The following MACROD2 variants were observed in gnomAD, a reference collection of about 807,000 sequenced individuals.
MACROD2 encodes the protein mono-ADP ribosylhydrolase 2, also known as ADP-ribose glycohydrolase MACROD2.
In MACROD2, 36 loss-of-function variants were observed where a neutral mutation model predicts 70.4. The observed-to-expected ratio is 0.51, with a 90% CI of 0.39 to 0.68. MACROD2 has a LOEUF of 0.68. MACROD2 is among the 30% of genes least tolerant of loss of function. The pLI is 0.00. For missense variants in MACROD2, 496 were observed against 538.4 expected, an observed-to-expected ratio of 0.92 and a Z score of 0.78; for synonymous variants, 172 against 178.8, an observed-to-expected ratio of 0.96 and a Z score of 0.30.
intron 5 of MACROD2, among the ~76,000 whole-genome samples, chr20:14,962,016 C>T (rs959887832): frequency 1.3e-5 from 2 of 151,828 alleles, no homozygotes; most frequent in African/African-American, 2.4e-5. Context: ...GTCTCACTCT[C>T]GCTCAGACTG....
chr20:15,750,078 A>G (rs6131694), intron 8 of MACROD2, among the ~76,000 whole-genome samples: 30,129 of 152,106 alleles, frequency 0.2, 3,729 homozygotes, highest in Middle Eastern at 0.34. Flanking sequence ...AGAATGGGAA[A>G]TAAGATTTGT....
Position 15,399,379 on chromosome 20 carries a change from G to A in MACROD2, c.541-32026G>A, listed in dbSNP as rs4266080. Among the ~76,000 whole-genome samples the A allele has an allele frequency of 7.3e-3, 1,110 of 152,252 alleles. 13 individuals carry two copies. Among genetic ancestry groups the A allele is most frequent in the African/African-American group, 0.025 (1,032 of 41,532 alleles). ...ACCCTGATTTACTACCTGATATGTTGCTTACACTCCTGTGGTGTTTTTCCA... is the reference window on the plus strand; with the variant it reads ...ACCCTGATTTACTACCTGATATGTTACTTACACTCCTGTGGTGTTTTTCCA... On this transcript the variant is annotated intron_variant, in intron 6 of 17. Transcript: ENST00000684519.
intron 8 of MACROD2, among the ~76,000 whole-genome samples, chr20:15,859,545 T>C (rs553264619): frequency 2.0e-5 from 3 of 152,304 alleles, no homozygotes; most frequent in Non-Finnish European, 4.4e-5. Context: ...ATATGAGCTC[T>C]TGTTCAACAA....
At chr20:15,915,045 G>T (rs898191843) in intron 10 of MACROD2, among the ~76,000 whole-genome samples, 19 of 152,140 alleles carry the variant, frequency 1.2e-4, no homozygotes, top group Non-Finnish European at 1.5e-5. Context: ...ATGGAGTTGG[G>T]GTGTGCCACC....
intron 6 of MACROD2, among the ~76,000 whole-genome samples, chr20:15,387,393 G>A (rs2045730473): frequency 6.7e-6 from 1 of 148,552 alleles, no homozygotes; most frequent in Non-Finnish European, 1.5e-5. Flanking sequence ...CTACCTCTCT[G>A]CAGTCTGCAC....
chr20:14,411,389 G>A (rs78241873), intron 3 of MACROD2, among the ~76,000 whole-genome samples: 11,549 of 151,962 alleles, frequency 0.076, 495 homozygotes, highest in East Asian at 0.22. Context: ...TTCCCTTAAT[G>A]TTTTCTCTCT....
At chr20:14,279,206 A>G (rs1252645138) in intron 3 of MACROD2, among the ~76,000 whole-genome samples, 1 of 152,188 alleles carries the variant, frequency 6.6e-6, no homozygotes, top group African/African-American at 2.4e-5. Context: ...TTCCCCTTCT[A>G]GTTTCTTACG....
chr20:15,187,766 T>C (rs1440748973), intron 5 of MACROD2, among the ~76,000 whole-genome samples: 1 of 152,206 alleles, frequency 6.6e-6, no homozygotes, highest in East Asian at 1.9e-4. Context: ...CTTTAAGGGT[T>C]TATCATAATC....
At chr20:15,565,545 T>C (rs1234158569) in intron 8 of MACROD2, among the ~76,000 whole-genome samples, 1 of 152,198 alleles carries the variant, frequency 6.6e-6, no homozygotes, top group African/African-American at 2.4e-5. Context: ...TACTTGTGTA[T>C]GTAGTTTCTT....
intron 5 of MACROD2, among the ~76,000 whole-genome samples, chr20:14,977,297 A>ATT (rs777982225): frequency 2.3e-5 from 3 of 130,012 alleles, no homozygotes; most frequent in Non-Finnish European, 1.7e-5. Flanking sequence ...TAACACCTTG[A>ATT]TTTTTTTTTT....
At chr20:14,506,374 C>T (rs937490535) in intron 4 of MACROD2, among the ~76,000 whole-genome samples, 8 of 152,162 alleles carry the variant, frequency 5.3e-5, no homozygotes, top group African/African-American at 1.9e-4. Flanking sequence ...GTGGAATGCA[C>T]TTCCCTACCC....
intron 6 of MACROD2, among the ~76,000 whole-genome samples, chr20:15,342,175 CAT>C (rs2078117405): frequency 6.6e-6 from 1 of 152,056 alleles, no homozygotes; most frequent in South Asian, 2.1e-4. Context: ...TCAATAGAAA[CAT>C]GTCATATAAT....
chr20:14,638,053 AGGATG>A (rs1247435156), intron 4 of MACROD2, among the ~76,000 whole-genome samples: 1 of 151,964 alleles, frequency 6.6e-6, no homozygotes, highest in Non-Finnish European at 1.5e-5. Context: ...AGTAAAAGGC[AGGATG>A]GGAAGAAAAA....
At chr20:15,647,056 C>T (rs190546806) in intron 8 of MACROD2, among the ~76,000 whole-genome samples, 4 of 152,260 alleles carry the variant, frequency 2.6e-5, no homozygotes, top group African/African-American at 9.6e-5. Flanking sequence ...ATTCATTCAC[C>T]CATTACTTTT....
intron 6 of MACROD2, among the ~76,000 whole-genome samples, chr20:15,382,875 G>GA (rs2045662442): frequency 6.6e-6 from 1 of 152,062 alleles, no homozygotes; most frequent in East Asian, 1.9e-4. Context: ...TGAAGGGGTT[G>GA]AAAAGTTTTC....
At chr20:15,910,944 C>G (rs1172665694) in intron 10 of MACROD2, among the ~76,000 whole-genome samples, 3 of 152,224 alleles carry the variant, frequency 2.0e-5, no homozygotes, top group African/African-American at 7.2e-5. Context: ...TGCTCTGCCT[C>G]CCTCTGTATT....
intron 8 of MACROD2, among the ~76,000 whole-genome samples, chr20:15,526,104 G>A (rs79744550): frequency 0.024 from 3,674 of 152,212 alleles, 146 homozygotes; most frequent in African/African-American, 0.083. Context: ...CGGCATTACT[G>A]TAAGCTCCAC....
intron 5 of MACROD2, among the ~76,000 whole-genome samples, chr20:15,052,162 A>C (rs1162921823): frequency 6.6e-6 from 1 of 152,110 alleles, no homozygotes; most frequent in Non-Finnish European, 1.5e-5. Context: ...GTAATTTACA[A>C]CACCATATTA....
Position 14,085,522 on chromosome 20 carries a change from T to G in MACROD2, c.164-99T>G, listed in dbSNP as rs35070683. 92,360 of 556,676 alleles carry G rather than the reference T, an allele frequency of 0.17. 8,780 individuals carry two copies. Among genetic ancestry groups the G allele is most frequent in the African/African-American group, 0.32 (16,258 of 51,246 alleles). 34.5% of individuals were successfully genotyped at this position (556,676 alleles called of 1,614,324 possible). ...TCCACTTGTTTTTTGTAGTAGAGCA[T>G]GACACATATTGGGTCTTGTAGTAGT... On this transcript the variant is annotated intron_variant, in intron 2 of 17. Transcript: ENST00000684519.
Sources: gnomAD v4.1 joint callset for allele counts (sites outside exome capture counted in the v4.1 genomes callset) on GRCh38, gnomAD v4.1.1 for gene constraint, MANE v1.5 for transcripts, NCBI Gene and HGNC (gene_info 2026-07-23, HGNC 2026-07-21) for gene names.